Variants in MYO1A observed in about 807,000 individuals in gnomAD.
MYO1A encodes unconventional myosin-Ia.
Under a neutral mutation model 138.5 loss-of-function variants are expected in MYO1A, and 127 were observed. The ratio of observed to expected loss-of-function variants is 0.92; its 90% CI spans 0.79 to 1.06. The LOEUF is 1.06. MYO1A is among the 50% of genes least tolerant of loss of function. The pLI is 0.00. For synonymous variants in MYO1A, 477 were observed against 497.5 expected (o/e 0.96, Z 0.55); for missense variants, 1,211 against 1,288.8 (o/e 0.94, Z 0.92).
intron 5 of MYO1A, 52 bp downstream of exon 5, chr12:57,047,251 T>G: frequency 6.3e-7 from 1 of 1,588,422 alleles, no homozygotes; most frequent in Non-Finnish European, 8.6e-7. Context: ...TAGGGCTCAG[T>G]GATTCTGGGG....
intron 7 of MYO1A, 103 bp from the exon 8 acceptor site, chr12:57,046,753 G>T: frequency 6.6e-7 from 1 of 1,504,356 alleles, no homozygotes; most frequent in East Asian, 2.3e-5. Flanking sequence ...CCTAGTGGTT[G>T]GGAAGTCTCC....
chr12:57,036,311 C>T lies in MYO1A; in HGVS notation c.2345G>A (p.Ser782Asn). 6.2e-7 allele frequency: 1 copy of T among 1,613,712 alleles called. No individual in the cohort carries two copies. The highest frequency in any genetic ancestry group is 8.5e-7 in the Non-Finnish European group (1 of 1,179,692). The change falls in exon 22 of 28, where the codon AGC becomes AAC. Residue 782 changes from serine (S) to asparagine (N), a missense_variant. Physicochemically the swap from Ser to Asn is conservative, Grantham distance 46. Coordinates refer to ENST00000300119, the MANE Select transcript of MYO1A (RefSeq NM_005379.4). ...ACCCTAACCCCTACCACTTACCATGCTCTTGTAGATGAAATCTGCCAAGGT... is the reference window on the plus strand; with the variant it reads ...ACCCTAACCCCTACCACTTACCATGTTCTTGTAGATGAAATCTGCCAAGGT... ...ALTLADFIYK[S>N]MVQKFLLGLK... is the part of the protein sequence containing the mutation.
rs1049636478 is a variant in MYO1A at position 57,048,209 on chromosome 12, C to T, written c.114+1G>A. ...GCCAGAGGCACCCATATGACACTCACATAAATCTCCTTGTTTTCATAGCGA... is the reference window on the plus strand; with the variant it reads ...GCCAGAGGCACCCATATGACACTCATATAAATCTCCTTGTTTTCATAGCGA... On this transcript the variant is annotated splice_donor_variant, in intron 2 of 27. Coordinates refer to ENST00000300119, the MANE Select transcript of MYO1A (RefSeq NM_005379.4). LOFTEE classifies it high-confidence loss of function. 3 of 1,613,334 alleles carry T rather than the reference C, an allele frequency of 1.9e-6. No homozygotes were observed. Among genetic ancestry groups the T allele is most frequent in the Non-Finnish European group, 1.7e-6 (2 of 1,179,368 alleles).
chr12:57,035,948 G>A (rs1457177236), intron 22 of MYO1A, among the ~76,000 whole-genome samples: 2 of 151,990 alleles, frequency 1.3e-5, no homozygotes, highest in Non-Finnish European at 2.9e-5. Context: ...GTTAATGTGT[G>A]GATCACTCTA....
At position 57,044,098 on chromosome 12, in the gene MYO1A, G is replaced by C; in HGVS notation, c.744+8C>G. On this transcript the variant is annotated splice_region_variant and intron_variant, in intron 9 of 27. Transcript: ENST00000300119. ...AGGGCCCAAGCCTGCCTCACCCTGG[G>C]CACCCACCTGTACAGCCCTGAAGCT... The C allele has an allele frequency of 1.2e-6, 2 of 1,614,158 alleles. No homozygotes were observed. The highest frequency in any genetic ancestry group is 1.1e-5 in the South Asian group (1 of 91,082).
At position 57,028,855 on chromosome 12, in the gene MYO1A, C is replaced by T. The variant is rs759055851; in HGVS notation, c.3032G>A (p.Ser1011Asn). 2.5e-6 allele frequency: 4 copies of T among 1,614,116 alleles called. No individual in the cohort carries two copies. The East Asian group carries it at 6.7e-5, about 27-fold the overall frequency. ...EKFSVRFKENSVAVKVVQGPA... is the reference protein window; with the variant it reads ...EKFSVRFKENNVAVKVVQGPA... ...GCCCTGGACGACCTTGACAGCCACA[C>T]TGTTCTCCTTGAACCTCACTGAGAA... Residue 1011 changes from serine (S) to asparagine (N), a missense_variant, in exon 28 of 28, where the codon AGT (serine) becomes AAT (asparagine). Ser to Asn is a conservative substitution (Grantham distance 46, BLOSUM62 1). Transcript: ENST00000300119.
chr12:57,035,201 G>A (rs1264228407), intron 22 of MYO1A, among the ~76,000 whole-genome samples: 1 of 152,168 alleles, frequency 6.6e-6, no homozygotes, highest in Non-Finnish European at 1.5e-5. Context: ...AAAGGAAGAA[G>A]AAGGGCAGTC....
chr12:57,029,345 G>C (rs572722113), intron 26 of MYO1A, 86 bp from the exon 27 acceptor site: 1 of 1,613,008 alleles, frequency 6.2e-7, no homozygotes, highest in African/African-American at 1.3e-5. Context: ...CAGAGCGAAA[G>C]GTCTGGTCCC....
chr12:57,037,083 G>A lies in MYO1A; in HGVS notation c.2064C>T (p.Tyr688=). The A allele has an allele frequency of 6.2e-7, 1 of 1,614,156 alleles. No individual in the cohort carries two copies. The highest frequency in any genetic ancestry group is 8.5e-7 in the Non-Finnish European group (1 of 1,180,024). ...GTCTCAGGCGCCTCTGTTCTTCGAG[G>A]TAGAAAAGCTGTGGAGAGGTGGAAG... is the stretch of plus-strand genomic sequence containing the variant. ...IFIRSPKTLF[Y]LEEQRRLRLQ... The change falls in exon 20 of 28, where the codon TAC becomes TAT. Residue 688 remains tyrosine (Y), a synonymous_variant. Coordinates refer to ENST00000300119, the MANE Select transcript of MYO1A (RefSeq NM_005379.4).
intron 8 of MYO1A, among the ~76,000 whole-genome samples, chr12:57,045,260 G>T (rs2031045888): frequency 6.6e-6 from 1 of 152,068 alleles, no homozygotes; most frequent in African/African-American, 2.4e-5. Context: ...TCCCTAGGAT[G>T]GGAGGGATTC....
intron 14 of MYO1A, chr12:57,039,504 G>A: frequency 1.8e-6 from 1 of 555,672 alleles, no homozygotes; most frequent in South Asian, 1.9e-5. Flanking sequence ...GTGAGAGAGG[G>A]TGAGACAATG....
At position 57,043,156 on chromosome 12, in the gene MYO1A, A is replaced by G. The variant is rs1270234406; in HGVS notation, c.1014T>C (p.Ala338=). The G allele has an allele frequency of 6.2e-7, 1 of 1,614,160 alleles. No homozygotes were observed. The highest frequency in any genetic ancestry group is 1.1e-5 in the South Asian group (1 of 91,070). ...KVVTALNVMQ[A]QYARDALAKN... ...TAGCCAGGGCGTCCCGAGCATACTG[A>G]GCCTGTGGGTGAGGCACAGCTGATT... Residue 338 remains alanine, a splice_region_variant and synonymous_variant, in exon 12 of 28, where the codon GCT becomes GCC. Coordinates refer to ENST00000300119, the MANE Select transcript of MYO1A (RefSeq NM_005379.4).
At chr12:57,040,085 A>C (rs2030790749) in intron 14 of MYO1A, among the ~76,000 whole-genome samples, 1 of 152,238 alleles carries the variant, frequency 6.6e-6, no homozygotes, top group Non-Finnish European at 1.5e-5. Flanking sequence ...GGACATTCTC[A>C]GGTATGGCTG....
chr12:57,032,504 G>A (rs771686480), intron 22 of MYO1A, among the ~76,000 whole-genome samples: 16 of 152,166 alleles, frequency 1.1e-4, no homozygotes. Flanking sequence ...GCATATTCCA[G>A]AGACATTAAA....
chr12:57,037,714 C>G (rs542211585), intron 18 of MYO1A, 73 bp from the exon 19 acceptor site: 125 of 1,528,476 alleles, frequency 8.2e-5, no homozygotes, highest in Non-Finnish European at 9.8e-5. Context: ...TTCCCCTAAT[C>G]CTTTCAGCCT....
At position 57,046,587 on chromosome 12, in the gene MYO1A, T is replaced by C. The variant is rs1407746649; in HGVS notation, c.605A>G (p.Tyr202Cys). ...LKGERNFHIF[Y>C]QLLAGADEQL... Reference sequence around the variant, plus strand: ...TTCATCTGCTCCAGCCAGCAGCTGATAGAAGATGTGGAAGTTCCTTTCTCC... The same window carrying C: ...TTCATCTGCTCCAGCCAGCAGCTGACAGAAGATGTGGAAGTTCCTTTCTCC... Residue 202 changes from tyrosine to cysteine, a missense_variant, in exon 8 of 28, where the codon TAT (tyrosine) becomes TGT (cysteine). Tyr to Cys is a radical substitution (Grantham distance 194). Transcript: ENST00000300119. 3 of 1,613,962 alleles carry C rather than the reference T, an allele frequency of 1.9e-6. No individual in the cohort carries two copies. Among genetic ancestry groups the C allele is most frequent in the African/African-American group, 1.3e-5 (1 of 74,898 alleles).
At position 57,039,284 on chromosome 12, in the gene MYO1A, G is replaced by T; in HGVS notation, c.1270-10C>A. On this transcript the variant is annotated splice_polypyrimidine_tract_variant and intron_variant, in intron 14 of 27. Transcript: ENST00000300119. Reference sequence around the variant, plus strand: ...TTGTCCACGGTATGCCCTGGTCAGGGGAGACAACAAATTACAGGGAACACG... The same window carrying T: ...TTGTCCACGGTATGCCCTGGTCAGGTGAGACAACAAATTACAGGGAACACG... The T allele has an allele frequency of 1.9e-6, 3 of 1,612,438 alleles. No homozygotes were observed. Among genetic ancestry groups the T allele is most frequent in the African/African-American group, 1.3e-5 (1 of 74,988 alleles).
rs1363578701 is a variant in MYO1A, at chr12:57,046,574, A to G, written c.618T>C (p.Ala206=). The G allele has an allele frequency of 1.2e-6, 2 of 1,613,996 alleles. No individual in the cohort carries two copies. Among genetic ancestry groups the G allele is most frequent in the Non-Finnish European group, 1.7e-6 (2 of 1,179,878 alleles). Residue 206 remains alanine, a synonymous_variant, in exon 8 of 28, where the codon GCT becomes GCC. Coordinates refer to ENST00000300119, the MANE Select transcript of MYO1A (RefSeq NM_005379.4). Reference sequence around the variant, plus strand: ...TACTCAGCAGCTGTTCATCTGCTCCAGCCAGCAGCTGATAGAAGATGTGGA... The same window carrying G: ...TACTCAGCAGCTGTTCATCTGCTCCGGCCAGCAGCTGATAGAAGATGTGGA... ...RNFHIFYQLL[A]GADEQLLKAL...
At position 57,038,181 on chromosome 12, in the gene MYO1A, A is replaced by G. The variant is rs1250677049; in HGVS notation, c.1761-112T>C. On this transcript the variant is annotated intron_variant, in intron 17 of 27. Transcript: ENST00000300119. Reference sequence around the variant, plus strand: ...TGCACTTCACTGAAAAGTTTCAAAGAAAGTAGACACACTGGCCTCCCCAGT... The same window carrying G: ...TGCACTTCACTGAAAAGTTTCAAAGGAAGTAGACACACTGGCCTCCCCAGT... 4.5e-6 allele frequency: 6 copies of G among 1,333,348 alleles called. No individual in the cohort carries two copies. The East Asian group carries it at 9.4e-5, about 21-fold the overall frequency. The allele number at this position is 1,333,348 out of a possible 1,614,324, so 82.6% of individuals were successfully genotyped here. A position where few individuals can be genotyped will look rare whatever the true frequency, so the allele number is the denominator to read the frequency against.
Sources: allele counts gnomAD v4.1 joint callset (sites outside exome capture counted in the v4.1 genomes callset), GRCh38; gene constraint gnomAD v4.1.1; transcripts MANE v1.5; gene names NCBI Gene and HGNC (gene_info 2026-07-23, HGNC 2026-07-21).